SLCO2A1: variants seen among roughly 807,000 people sequenced by gnomAD.
The protein encoded by SLCO2A1 is matrin F/G 1.
In SLCO2A1, 60 loss-of-function variants were observed where a neutral mutation model predicts 71.7. The ratio of observed to expected loss-of-function variants is 0.84; its 90% CI spans 0.68 to 1.04. The LOEUF (loss-of-function observed/expected upper bound fraction) is 1.04, where lower values mean the gene tolerates loss of function less well. SLCO2A1 is among the 50% of genes least tolerant of loss of function. SLCO2A1 has a pLI of 0.00. For synonymous variants in SLCO2A1, 308 were observed against 326.7 expected, an observed-to-expected ratio of 0.94 and a Z score of 0.62; for missense variants, 745 against 813.4, an observed-to-expected ratio of 0.92 and a Z score of 1.02.
intron 10 of SLCO2A1, 118 bp from the exon 11 acceptor site, chr3:133,942,886 G>T: frequency 8.9e-7 from 1 of 1,118,616 alleles, no homozygotes; most frequent in African/African-American, 1.6e-5. Context: ...GTGTCCTCTG[G>T]GTCTGGTTCC....
At chr3:133,976,146 C>T (rs953816230) in intron 2 of SLCO2A1, among the ~76,000 whole-genome samples, 5 of 152,138 alleles carry the variant, frequency 3.3e-5, no homozygotes, top group Admixed American at 6.5e-5. Context: ...TCCAGCATGG[C>T]CAAGAGTGAG....
Position 133,945,048 on chromosome 3 carries a change from G to A in SLCO2A1, c.1461+47C>T, listed in dbSNP as rs368780714. On this transcript the variant is annotated intron_variant, in intron 10 of 13. Transcript: ENST00000310926. Reference sequence around the variant, plus strand: ...TCTTTGAGGGCATGCGCTGAGCTCCGAGATCCTGTGGGGCTCCTCTTGCCT... The same window carrying A: ...TCTTTGAGGGCATGCGCTGAGCTCCAAGATCCTGTGGGGCTCCTCTTGCCT... The A allele has an allele frequency of 1.6e-5, 25 of 1,573,334 alleles. No individual in the cohort carries two copies. In the South Asian group the frequency reaches 1.9e-4, roughly 12 times the overall value.
intron 1 of SLCO2A1, among the ~76,000 whole-genome samples, chr3:134,026,713 G>A (rs1282391878): frequency 1.3e-5 from 2 of 152,210 alleles, no homozygotes; most frequent in East Asian, 1.9e-4. Flanking sequence ...AAACTCAGAT[G>A]AGAAATGCTA....
intron 1 of SLCO2A1, among the ~76,000 whole-genome samples, chr3:134,002,774 C>T (rs1935130578): frequency 6.6e-6 from 1 of 152,208 alleles, no homozygotes; most frequent in Non-Finnish European, 1.5e-5. Flanking sequence ...TTAAGAACAA[C>T]CACCTTAGAC....
At chr3:133,955,345 G>A (rs530399592) in intron 3 of SLCO2A1, 152 bp from the exon 4 acceptor site, 29 of 617,202 alleles carry the variant, frequency 4.7e-5, no homozygotes, top group Non-Finnish European at 6.2e-5. Flanking sequence ...CCTGAGGACC[G>A]CGTCCTTCTG....
At chr3:133,943,019 A>C (rs1039930808) in intron 10 of SLCO2A1, among the ~76,000 whole-genome samples, 1 of 152,176 alleles carries the variant, frequency 6.6e-6, no homozygotes, top group African/African-American at 2.4e-5. Flanking sequence ...TCCAGAAGTC[A>C]TATCTGCCTC....
chr3:134,004,456 T>A (rs568403003), intron 1 of SLCO2A1, among the ~76,000 whole-genome samples: 1 of 152,338 alleles, frequency 6.6e-6, no homozygotes, highest in African/African-American at 2.4e-5. Context: ...TGCCTCAGCA[T>A]CCTGAGTAGC....
intron 12 of SLCO2A1, among the ~76,000 whole-genome samples, chr3:133,936,214 C>T (rs1933267297): frequency 6.6e-6 from 1 of 152,206 alleles, no homozygotes; most frequent in Non-Finnish European, 1.5e-5. Context: ...ATACACGGGC[C>T]TCCACTGTGT....
chr3:133,974,807 C>T (rs973037903), intron 2 of SLCO2A1, among the ~76,000 whole-genome samples: 4 of 152,150 alleles, frequency 2.6e-5, no homozygotes, highest in Non-Finnish European at 4.4e-5. Context: ...TGGAGGAGCT[C>T]TGTAAATCTG....
intron 12 of SLCO2A1, among the ~76,000 whole-genome samples, chr3:133,937,505 C>T (rs1181524057): frequency 6.6e-6 from 1 of 152,212 alleles, no homozygotes; most frequent in Non-Finnish European, 1.5e-5. Context: ...AGAGACATCA[C>T]CAATACATCT....
At chr3:134,010,728 T>A (rs1935317553) in intron 1 of SLCO2A1, among the ~76,000 whole-genome samples, 1 of 120,242 alleles carries the variant, frequency 8.3e-6, no homozygotes, top group African/African-American at 3.3e-5. Context: ...CACTCCAGCC[T>A]GGTGACAGAG....
chr3:133,933,906 CCTTCCTTGGGTCTT>C lies in SLCO2A1; in HGVS notation c.*793_*806del, dbSNP rs1395071796. 6.6e-6 allele frequency: 1 copy of C among 152,190 alleles called. No individual in the cohort carries two copies. Among genetic ancestry groups the C allele is most frequent in the Non-Finnish European group, 1.5e-5 (1 of 68,050 alleles). 9.4% of individuals were successfully genotyped at this position (152,190 alleles called of 1,614,324 possible). ...TTGGGCATCAGGACCTTTTCATAGG[CCTTCCTTGGGTCTT>C]CACTGTGTTGTAGCTTCCTCAGTTT... On this transcript the variant is annotated 3_prime_UTR_variant, in exon 14 of 14. Transcript: ENST00000310926.
At chr3:133,987,136 C>CCA (rs1934732685) in intron 1 of SLCO2A1, among the ~76,000 whole-genome samples, 1 of 124,824 alleles carries the variant, frequency 8.0e-6, no homozygotes, top group African/African-American at 2.9e-5. Flanking sequence ...TCAAAGCCCC[C>CCA]CCCCCCGCCC....
chr3:133,974,076 G>A (rs1934396413), intron 2 of SLCO2A1, among the ~76,000 whole-genome samples: 1 of 152,188 alleles, frequency 6.6e-6, no homozygotes, highest in Admixed American at 6.5e-5. Flanking sequence ...CCAGACCAAA[G>A]GAAGTATCTG....
chr3:133,956,392 C>T (rs886558056), intron 3 of SLCO2A1, among the ~76,000 whole-genome samples: 3 of 152,146 alleles, frequency 2.0e-5, no homozygotes, highest in African/African-American at 7.2e-5. Context: ...CCAGCCTGGC[C>T]CCACTGTTGT....
chr3:133,995,516 C>A (rs1207846781), intron 1 of SLCO2A1, among the ~76,000 whole-genome samples: 5 of 152,242 alleles, frequency 3.3e-5, no homozygotes, highest in African/African-American at 7.2e-5. Flanking sequence ...TGGGGGCCAT[C>A]CCCACTGCCT....
intron 3 of SLCO2A1, among the ~76,000 whole-genome samples, chr3:133,965,763 G>A (rs1010388249): frequency 7.7e-5 from 6 of 77,810 alleles, no homozygotes; most frequent in South Asian, 4.5e-4. Flanking sequence ...TGACAGCACC[G>A]CACTGGGCCC....
chr3:133,987,150 C>A (rs1934735321), intron 1 of SLCO2A1, among the ~76,000 whole-genome samples: 1 of 132,916 alleles, frequency 7.5e-6, no homozygotes, highest in African/African-American at 2.7e-5. Context: ...CCCGCCCCCG[C>A]CCCGCCACCC....
chr3:134,006,161 A>G (rs1234269532), intron 1 of SLCO2A1, among the ~76,000 whole-genome samples: 1 of 152,102 alleles, frequency 6.6e-6, no homozygotes, highest in African/African-American at 2.4e-5. Context: ...GGCTCAAGCA[A>G]TCCTCCCACC....
Sources: gnomAD v4.1 joint callset for allele counts (sites outside exome capture counted in the v4.1 genomes callset) on GRCh38, gnomAD v4.1.1 for gene constraint, MANE v1.5 for transcripts, NCBI Gene and HGNC (gene_info 2026-07-23, HGNC 2026-07-21) for gene names.